Variants in PBX3 observed in about 807,000 individuals in gnomAD.
PBX3 encodes the protein pre-B-cell leukemia transcription factor 3.
In PBX3, 14 loss-of-function variants were observed where a neutral mutation model predicts 48.5. The ratio of observed to expected loss-of-function variants is 0.29; its 90% CI spans 0.19 to 0.45. The LOEUF (loss-of-function observed/expected upper bound fraction) is 0.45, where lower values mean the gene tolerates loss of function less well. Ranked by LOEUF, PBX3 falls within the 20% of genes least tolerant of loss-of-function variation. The pLI, the probability that PBX3 is intolerant of heterozygous loss-of-function variation, is 1.00. For synonymous variants in PBX3, 210 were observed against 200.3 expected, an observed-to-expected ratio of 1.05 and a Z score of -0.41; for missense variants, 386 against 546.7, an observed-to-expected ratio of 0.71 and a Z score of 2.93.
chr9:125,789,431 C>T (rs1425918665), intron 2 of PBX3, among the ~76,000 whole-genome samples: 2 of 152,204 alleles, frequency 1.3e-5, no homozygotes, highest in African/African-American at 2.4e-5. Flanking sequence ...TGCTCACTCA[C>T]ATGACTATTG....
At chr9:125,793,366 A>AAAAAAATATATATATATATATAT (rs59271982) in intron 2 of PBX3, among the ~76,000 whole-genome samples, 4 of 101,938 alleles carry the variant, frequency 3.9e-5, no homozygotes, top group African/African-American at 1.7e-4. Flanking sequence ...GGAAAAAAAA[A>AAAAAAATATATATATATATATAT]ATATATATAT....
intron 2 of PBX3, among the ~76,000 whole-genome samples, chr9:125,770,789 A>G (rs1231905517): frequency 6.6e-6 from 1 of 152,244 alleles, no homozygotes; most frequent in Non-Finnish European, 1.5e-5. Context: ...CAACATTAGC[A>G]ACATCAACTA....
intron 2 of PBX3, among the ~76,000 whole-genome samples, chr9:125,827,061 C>G (rs1261705404): frequency 1.3e-5 from 2 of 152,150 alleles, no homozygotes; most frequent in Admixed American, 1.3e-4. Context: ...TCTGTGGTGT[C>G]TGTCACTCTA....
rs374768084 is a variant in PBX3, at chr9:125,962,964, C to T, written c.1123-48C>T. 1.4e-4 allele frequency: 141 copies of T among 1,005,058 alleles called. No individual in the cohort carries two copies. In the Middle Eastern group the frequency reaches 1.5e-3, roughly 10 times the overall value. 62.3% of individuals were successfully genotyped at this position (1,005,058 alleles called of 1,614,324 possible). ...AATTATTTCCTTTTGTAAGTGATGA[C>T]GTTTTAATAGATTTGGGATGATGAA... On this transcript the variant is annotated intron_variant, in intron 7 of 8. Coordinates refer to ENST00000373489, the MANE Select transcript of PBX3 (RefSeq NM_006195.6).
intron 2 of PBX3, among the ~76,000 whole-genome samples, chr9:125,911,057 C>T (rs1278703668): frequency 1.3e-5 from 2 of 152,066 alleles, no homozygotes; most frequent in Non-Finnish European, 2.9e-5. Flanking sequence ...GAACCTTACC[C>T]TCCCAACCCC....
chr9:125,891,060 A>G (rs1319788370), intron 2 of PBX3, among the ~76,000 whole-genome samples: 1 of 152,132 alleles, frequency 6.6e-6, no homozygotes, highest in African/African-American at 2.4e-5. Context: ...ATTTCTGAAG[A>G]AACCAGTCTA....
At chr9:125,895,629 T>C (rs553663724) in intron 2 of PBX3, among the ~76,000 whole-genome samples, 1 of 152,212 alleles carries the variant, frequency 6.6e-6, no homozygotes, top group African/African-American at 2.4e-5. Context: ...ATTTATTGGC[T>C]ACCATAATTG....
chr9:125,936,845 T>G (rs935161808), intron 5 of PBX3, among the ~76,000 whole-genome samples: 1 of 152,190 alleles, frequency 6.6e-6, no homozygotes, highest in African/African-American at 2.4e-5. Context: ...TATAAAACAT[T>G]ACTAACTGGG....
intron 4 of PBX3, among the ~76,000 whole-genome samples, chr9:125,932,665 A>G (rs1448894600): frequency 6.6e-6 from 1 of 152,278 alleles, no homozygotes; most frequent in Non-Finnish European, 1.5e-5. Flanking sequence ...TGTAACAAAG[A>G]TAGTAAAACA....
chr9:125,842,413 C>T lies in PBX3; in HGVS notation c.275-73273C>T, dbSNP rs552047081. 8.5e-5 allele frequency among the ~76,000 whole-genome samples: 13 copies of T among 152,296 alleles called. No individual in the cohort carries two copies. The East Asian group carries it at 2.5e-3, about 29-fold the overall frequency. On this transcript the variant is annotated intron_variant, in intron 2 of 8. Transcript: ENST00000373489. ...TATTACATGCATAAAAGAATTCACC[C>T]CTTTCCATTCAGTCTTTTTCAGCCT... is the stretch of plus-strand genomic sequence containing the variant.
At chr9:125,841,063 T>C (rs1389036417) in intron 2 of PBX3, among the ~76,000 whole-genome samples, 2 of 152,190 alleles carry the variant, frequency 1.3e-5, no homozygotes, top group African/African-American at 4.8e-5. Context: ...AACCATGCGC[T>C]AGGGACTATG....
chr9:125,951,863 C>T (rs946532015), intron 5 of PBX3, among the ~76,000 whole-genome samples: 1 of 152,186 alleles, frequency 6.6e-6, no homozygotes, highest in African/African-American at 2.4e-5. Context: ...GTGTATCCAG[C>T]GTGCCCAGCC....
chr9:125,913,950 A>G (rs1362466998), intron 2 of PBX3, among the ~76,000 whole-genome samples: 1 of 152,222 alleles, frequency 6.6e-6, no homozygotes, highest in African/African-American at 2.4e-5. Context: ...ATTGCATGCC[A>G]AATGCACAAA....
intron 3 of PBX3, among the ~76,000 whole-genome samples, chr9:125,918,610 A>C (rs1219649174): frequency 6.6e-6 from 1 of 152,214 alleles, no homozygotes; most frequent in Admixed American, 6.5e-5. Context: ...ATAGATATAT[A>C]AAATCTGTAC....
At chr9:125,894,746 T>A (rs1325007405) in intron 2 of PBX3, among the ~76,000 whole-genome samples, 1 of 152,168 alleles carries the variant, frequency 6.6e-6, no homozygotes, top group East Asian at 1.9e-4. Context: ...GCAGTCATAA[T>A]GCTTCTGTCT....
intron 2 of PBX3, among the ~76,000 whole-genome samples, chr9:125,788,348 G>A (rs538942697): frequency 1.3e-5 from 2 of 152,294 alleles, no homozygotes; most frequent in East Asian, 3.9e-4. Flanking sequence ...TTGATATAGT[G>A]TGCTCAATGT....
At chr9:125,889,891 C>T (rs1840597603) in intron 2 of PBX3, among the ~76,000 whole-genome samples, 1 of 148,708 alleles carries the variant, frequency 6.7e-6, no homozygotes, top group African/African-American at 2.4e-5. Context: ...TCGCGCTGCC[C>T]GGCGCGCCCC....
chr9:125,914,371 A>G (rs1383163812), intron 2 of PBX3, among the ~76,000 whole-genome samples: 1 of 152,198 alleles, frequency 6.6e-6, no homozygotes, highest in Non-Finnish European at 1.5e-5. Context: ...GTTTTGGGGA[A>G]GAAATTAAAG....
chr9:125,844,579 A>G (rs1352343830), intron 2 of PBX3: 1 of 152,138 alleles, frequency 6.6e-6, no homozygotes, highest in Non-Finnish European at 1.5e-5. Context: ...TAAGCAGTAC[A>G]GGGTTGAAAA....
Sources: allele counts gnomAD v4.1 joint callset (sites outside exome capture counted in the v4.1 genomes callset), GRCh38; gene constraint gnomAD v4.1.1; transcripts MANE v1.5; gene names NCBI Gene and HGNC (gene_info 2026-07-23, HGNC 2026-07-21).